ROBO2: variants seen among roughly 807,000 people sequenced by gnomAD.
The protein encoded by ROBO2 is roundabout guidance receptor 2, also known as roundabout homolog 2.
ROBO2 carries 53 observed loss-of-function variants against 160.8 expected under a neutral mutation model. The ratio of observed to expected loss-of-function variants is 0.33; its 90% CI spans 0.26 to 0.41. ROBO2 has a LOEUF of 0.41. Ranked by LOEUF, ROBO2 falls within the 10% of genes least tolerant of loss-of-function variation. ROBO2 has a pLI of 1.00. For missense variants in ROBO2, 1,577 were observed against 1,722.4 expected (o/e 0.92, Z 1.49); for synonymous variants, 664 against 611.7 (o/e 1.09, Z -1.26).
intron 2 of ROBO2, among the ~76,000 whole-genome samples, chr3:76,407,234 C>G (rs2075249560): frequency 6.6e-6 from 1 of 151,910 alleles, no homozygotes; most frequent in South Asian, 2.1e-4. Flanking sequence ...CCTTTCTCAC[C>G]TGATCTAAAG....
chr3:75,923,324 A>G (rs1243807534), intron 1 of ROBO2, among the ~76,000 whole-genome samples: 1 of 152,236 alleles, frequency 6.6e-6, no homozygotes, highest in African/African-American at 2.4e-5. Flanking sequence ...CATGAAATGC[A>G]TCTGGCTTCT....
At chr3:76,729,436 C>T (rs188702267) in intron 2 of ROBO2, among the ~76,000 whole-genome samples, 44 of 152,160 alleles carry the variant, frequency 2.9e-4, no homozygotes, top group Admixed American at 2.2e-3. Context: ...ACTTTGCAAA[C>T]CTATGGCAGC....
chr3:76,569,403 A>G (rs1046069262), intron 2 of ROBO2, among the ~76,000 whole-genome samples: 2 of 152,194 alleles, frequency 1.3e-5, no homozygotes, highest in Non-Finnish European at 2.9e-5. Flanking sequence ...CTTCATATCA[A>G]TTGAGATCAA....
At chr3:77,310,519 A>G (rs1394692399) in intron 2 of ROBO2, among the ~76,000 whole-genome samples, 1 of 152,150 alleles carries the variant, frequency 6.6e-6, no homozygotes, top group Admixed American at 6.5e-5. Flanking sequence ...TCTTGTGTCT[A>G]TTTGTCTTGA....
intron 2 of ROBO2, among the ~76,000 whole-genome samples, chr3:77,226,374 T>C (rs2086498197): frequency 6.6e-6 from 1 of 151,994 alleles, no homozygotes; most frequent in Non-Finnish European, 1.5e-5. Context: ...GGCAGTTTTC[T>C]TCACTCTCCA....
chr3:76,824,447 G>A (rs574118126), intron 2 of ROBO2, among the ~76,000 whole-genome samples: 2 of 152,278 alleles, frequency 1.3e-5, no homozygotes, highest in African/African-American at 4.8e-5. Flanking sequence ...GTGCAGACTA[G>A]TGCTGCCACA....
intron 2 of ROBO2, among the ~76,000 whole-genome samples, chr3:76,460,261 C>T (rs1169060058): frequency 6.6e-6 from 1 of 151,850 alleles, no homozygotes; most frequent in East Asian, 1.9e-4. Flanking sequence ...TGAAAAATCC[C>T]ATAAATAGTG....
At chr3:76,417,641 TAAGCTTGTAATACA>T (rs529622860) in intron 2 of ROBO2, among the ~76,000 whole-genome samples, 50 of 152,156 alleles carry the variant, frequency 3.3e-4, no homozygotes, top group Non-Finnish European at 6.6e-4. Context: ...TCCTAAATGG[TAAGCTTGTAATACA>T]AGTTGAAAGG....
intron 2 of ROBO2, among the ~76,000 whole-genome samples, chr3:76,078,161 T>C (rs2068703112): frequency 6.6e-6 from 1 of 152,158 alleles, no homozygotes; most frequent in South Asian, 2.1e-4. Context: ...CATAACAACC[T>C]GTGTTTTCAT....
At chr3:76,476,246 T>G (rs2078925943) in intron 2 of ROBO2, among the ~76,000 whole-genome samples, 1 of 152,222 alleles carries the variant, frequency 6.6e-6, no homozygotes, top group Non-Finnish European at 1.5e-5. Flanking sequence ...TATTCCTCAA[T>G]GTTGCTCTTG....
At chr3:77,324,383 A>C (rs901093136) in intron 2 of ROBO2, among the ~76,000 whole-genome samples, 4 of 152,142 alleles carry the variant, frequency 2.6e-5, no homozygotes, top group African/African-American at 9.7e-5. Context: ...GCAAAATAGG[A>C]CTGTGACCTG....
intron 2 of ROBO2, among the ~76,000 whole-genome samples, chr3:77,281,715 T>A (rs1486423411): frequency 6.6e-6 from 1 of 152,140 alleles, no homozygotes; most frequent in East Asian, 1.9e-4. Context: ...GGACTGGTTG[T>A]GTGGAAGATG....
intron 2 of ROBO2, among the ~76,000 whole-genome samples, chr3:76,517,525 G>C (rs566567017): frequency 6.6e-6 from 1 of 152,160 alleles, no homozygotes; most frequent in African/African-American, 2.4e-5. Flanking sequence ...CAGCAGTAGA[G>C]TGTGGATTTC....
intron 2 of ROBO2, among the ~76,000 whole-genome samples, chr3:77,128,781 G>A (rs565480280): frequency 3.9e-5 from 6 of 152,180 alleles, no homozygotes; most frequent in East Asian, 1.9e-4. Flanking sequence ...AGAACATACC[G>A]TGATACAAAT....
intron 2 of ROBO2, among the ~76,000 whole-genome samples, chr3:76,229,529 T>G (rs1704494330): frequency 6.6e-6 from 1 of 152,152 alleles, no homozygotes; most frequent in African/African-American, 2.4e-5. Flanking sequence ...TTATTCTTAA[T>G]GTGAATCAAA....
chr3:77,551,568 G>C (rs953420193), intron 8 of ROBO2, among the ~76,000 whole-genome samples: 2 of 151,992 alleles, frequency 1.3e-5, no homozygotes, highest in Non-Finnish European at 2.9e-5. Flanking sequence ...AGGATGAAGG[G>C]CTCTGCGTAA....
intron 2 of ROBO2, among the ~76,000 whole-genome samples, chr3:75,952,099 A>C (rs1948561265): frequency 6.6e-6 from 1 of 152,026 alleles, no homozygotes; most frequent in African/African-American, 2.4e-5. Flanking sequence ...TAGCACAGTA[A>C]GTCCACTGGG....
intron 3 of ROBO2, among the ~76,000 whole-genome samples, chr3:77,477,975 C>T (rs143457213): frequency 0.018 from 2,697 of 151,386 alleles, 76 homozygotes; most frequent in African/African-American, 0.06. Flanking sequence ...TACAGGTGTG[C>T]GCCACCACGC....
chr3:76,825,990 G>A (rs982615473), intron 2 of ROBO2, among the ~76,000 whole-genome samples: 3 of 150,796 alleles, frequency 2.0e-5, no homozygotes, highest in African/African-American at 4.9e-5. Context: ...ATCTGTTGAC[G>A]AGATTTTTTT....
Sources: allele counts gnomAD v4.1 joint callset (sites outside exome capture counted in the v4.1 genomes callset), GRCh38; gene constraint gnomAD v4.1.1; transcripts MANE v1.5; gene names NCBI Gene and HGNC (gene_info 2026-07-23, HGNC 2026-07-21).